FHOD3: variants seen among roughly 807,000 people sequenced by gnomAD.
The protein encoded by FHOD3 is FH1/FH2 domain-containing protein 3.
A neutral mutation model predicts 173.0 loss-of-function variants in FHOD3; 90 were observed. That is an observed-to-expected ratio of 0.52 (90% CI 0.44 to 0.62). FHOD3 has a LOEUF of 0.62. Among genes scored for constraint, FHOD3 ranks in the 20% least tolerant of loss-of-function variants. FHOD3 has a pLI of 0.00. For missense variants in FHOD3, 1,945 were observed against 2,034.7 expected (o/e 0.96, Z 0.85); for synonymous variants, 828 against 823.0 (o/e 1.01, Z -0.10).
intron 3 of FHOD3, among the ~76,000 whole-genome samples, chr18:36,439,521 ATGTGTGTGTGTG>A (rs33931333): frequency 1.1e-3 from 156 of 144,828 alleles, no homozygotes; most frequent in Non-Finnish European, 1.3e-3. Context: ...AACCAATAGA[ATGTGTGTGTGTG>A]TGTGTGTGTG....
At chr18:36,733,045 C>T (rs568250270) in intron 20 of FHOD3, among the ~76,000 whole-genome samples, 7 of 152,126 alleles carry the variant, frequency 4.6e-5, no homozygotes, top group African/African-American at 1.7e-4. Flanking sequence ...TTAACATTGC[C>T]GACCTCCCAG....
chr18:36,383,084 G>A (rs780906829), intron 3 of FHOD3, among the ~76,000 whole-genome samples: 1 of 152,228 alleles, frequency 6.6e-6, no homozygotes, highest in Non-Finnish European at 1.5e-5. Context: ...TGGGTGACCT[G>A]TGCAGGCGGC....
chr18:36,581,378 C>T (rs1198010237), intron 6 of FHOD3, among the ~76,000 whole-genome samples: 2 of 152,204 alleles, frequency 1.3e-5, no homozygotes, highest in Non-Finnish European at 2.9e-5. Flanking sequence ...TCTTTTGGCC[C>T]AAGGGGAAGG....
At chr18:36,421,569 T>C (rs1309849301) in intron 3 of FHOD3, among the ~76,000 whole-genome samples, 2 of 152,222 alleles carry the variant, frequency 1.3e-5, no homozygotes, top group African/African-American at 4.8e-5. Flanking sequence ...TTTCTCTCTT[T>C]AGAAAACATT....
Position 36,387,162 on chromosome 18 carries a change from G to A in FHOD3, c.337+14418G>A, listed in dbSNP as rs189680217. Among the ~76,000 whole-genome samples, 238 of 152,278 alleles carry A rather than the reference G, an allele frequency of 1.6e-3. 1 individual carries two copies. Among genetic ancestry groups the A allele is most frequent in the Middle Eastern group, 0.014 (4 of 294 alleles). ...CCCAGACTGTGGGCAGAAGGTGTTG[G>A]TTCCCCCTCAGGGGTGTCCTGCTTG... On this transcript the variant is annotated intron_variant, in intron 3 of 28. Coordinates refer to ENST00000590592, the MANE Select transcript of FHOD3 (RefSeq NM_001281740.3).
chr18:36,748,382 A>AACACACACACACACACACACAC, intron 24 of FHOD3, among the ~76,000 whole-genome samples: 1 of 143,572 alleles, frequency 7.0e-6, no homozygotes, highest in Non-Finnish European at 1.5e-5. Flanking sequence ...ACACACACAC[A>AACACACACACACACACACACAC]ACACACACAC....
At chr18:36,621,580 A>G (rs958410078) in intron 9 of FHOD3, among the ~76,000 whole-genome samples, 1 of 152,308 alleles carries the variant, frequency 6.6e-6, no homozygotes, top group East Asian at 1.9e-4. Flanking sequence ...ATGTCTTCCC[A>G]TGATAGCAGT....
intron 3 of FHOD3, among the ~76,000 whole-genome samples, chr18:36,418,907 C>G (rs1354106800): frequency 1.3e-5 from 2 of 152,020 alleles, no homozygotes; most frequent in African/African-American, 4.8e-5. Flanking sequence ...AAGTGAGACC[C>G]TGTCTAAAAA....
Position 36,625,623 on chromosome 18 carries a change from TG to T in FHOD3, c.1072del (p.Asp358ThrfsTer149). On this transcript the variant is annotated frameshift_variant, in exon 10 of 29. Coordinates refer to ENST00000590592, the MANE Select transcript of FHOD3 (RefSeq NM_001281740.3). LOFTEE classifies it high-confidence loss of function. The part of the protein sequence containing the change: ...CSSGGGEHRG[L>X]DRRRSRRHSV... ...AGTGGCGGAGGCGAGCACCGGGGCCTGGACCGCAGAAGGAGCCGCAGGCACT... is the reference window on the plus strand; with the variant it reads ...AGTGGCGGAGGCGAGCACCGGGGCCTGACCGCAGAAGGAGCCGCAGGCACT... The T allele has an allele frequency of 6.2e-7, 1 of 1,603,330 alleles. No individual in the cohort carries two copies. The highest frequency in any genetic ancestry group is 8.5e-7 in the Non-Finnish European group (1 of 1,173,522).
intron 5 of FHOD3, among the ~76,000 whole-genome samples, chr18:36,542,254 A>T (rs1239480488): frequency 6.6e-6 from 1 of 152,166 alleles, no homozygotes; most frequent in Non-Finnish European, 1.5e-5. Context: ...AGCATCACCC[A>T]TCATGATGTC....
chr18:36,763,497 TATA>T (rs905326367), intron 27 of FHOD3, among the ~76,000 whole-genome samples: 7 of 142,410 alleles, frequency 4.9e-5, no homozygotes, highest in South Asian at 4.4e-4. Context: ...ACACGTTATA[TATA>T]ATATGTGTAT....
chr18:36,346,365 C>T (rs2045880673), intron 1 of FHOD3, among the ~76,000 whole-genome samples: 1 of 151,978 alleles, frequency 6.6e-6, no homozygotes, highest in South Asian at 2.1e-4. Context: ...GACCCTGCCT[C>T]AAAACAAAAA....
chr18:36,628,134 A>C (rs1251940661), intron 10 of FHOD3, among the ~76,000 whole-genome samples: 1 of 152,216 alleles, frequency 6.6e-6, no homozygotes. Context: ...GTCTCCACTC[A>C]GATGGTCCTT....
chr18:36,773,182 G>A (rs148669810), intron 28 of FHOD3, among the ~76,000 whole-genome samples: 7 of 152,336 alleles, frequency 4.6e-5, no homozygotes, highest in Non-Finnish European at 7.3e-5. Flanking sequence ...TGGCTCTCTG[G>A]TGGTTTCACT....
At chr18:36,734,564 A>T (rs540079899) in intron 20 of FHOD3, among the ~76,000 whole-genome samples, 1 of 152,210 alleles carries the variant, frequency 6.6e-6, no homozygotes, top group East Asian at 1.9e-4. Context: ...AGAATGTGGC[A>T]TCCAGGGCAC....
chr18:36,773,913 T>G (rs987210963), intron 28 of FHOD3, among the ~76,000 whole-genome samples: 1 of 152,218 alleles, frequency 6.6e-6, no homozygotes, highest in Admixed American at 6.5e-5. Flanking sequence ...TGGCTAGCAT[T>G]GTTGAGATAA....
At chr18:36,307,178 G>A (rs191187904) in intron 1 of FHOD3, among the ~76,000 whole-genome samples, 5 of 152,086 alleles carry the variant, frequency 3.3e-5, no homozygotes. Context: ...TGGCCAGGGT[G>A]GTCTCGAATT....
At chr18:36,523,829 C>T (rs983186635) in intron 5 of FHOD3, among the ~76,000 whole-genome samples, 1 of 152,128 alleles carries the variant, frequency 6.6e-6, no homozygotes, top group Non-Finnish European at 1.5e-5. Flanking sequence ...GTTTAACTTT[C>T]CCTCTTCTGC....
chr18:36,480,554 T>C (rs1424602311), intron 3 of FHOD3, among the ~76,000 whole-genome samples: 1 of 152,150 alleles, frequency 6.6e-6, no homozygotes, highest in Non-Finnish European at 1.5e-5. Context: ...CAAAGGCCTT[T>C]TCCATTTACA....
Sources: allele counts gnomAD v4.1 joint callset (sites outside exome capture counted in the v4.1 genomes callset), GRCh38; gene constraint gnomAD v4.1.1; transcripts MANE v1.5; gene names NCBI Gene and HGNC (gene_info 2026-07-23, HGNC 2026-07-21).